Variants in CHD7 observed in about 807,000 individuals in gnomAD.
The protein encoded by CHD7 is ATP-dependent chromatin remodeler CHD7.
CHD7 carries 24 observed loss-of-function variants against 307.3 expected under a neutral mutation model. The observed-to-expected ratio is 0.08, with a 90% CI of 0.06 to 0.11. The LOEUF is 0.11. Among genes scored for constraint, CHD7 ranks in the 10% least tolerant of loss-of-function variants. The pLI is 1.00. For synonymous variants in CHD7, 1,363 were observed against 1,349.9 expected, an observed-to-expected ratio of 1.01 and a Z score of -0.21; for missense variants, 3,106 against 3,727.1, an observed-to-expected ratio of 0.83 and a Z score of 4.34.
intron 3 of CHD7, among the ~76,000 whole-genome samples, chr8:60,791,575 T>G (rs1202375738): frequency 6.6e-6 from 1 of 152,192 alleles, no homozygotes. Context: ...GTGTTTTGAG[T>G]TTGACATTAT....
chr8:60,680,043 C>A (rs1249221290), intron 1 of CHD7, among the ~76,000 whole-genome samples: 2 of 151,626 alleles, frequency 1.3e-5, no homozygotes, highest in African/African-American at 4.8e-5. Context: ...CTGGCCGGGC[C>A]GCCGGCGGCG....
chr8:60,782,900 A>G (rs1006906594), intron 3 of CHD7, among the ~76,000 whole-genome samples: 2 of 152,228 alleles, frequency 1.3e-5, no homozygotes, highest in South Asian at 2.1e-4. Flanking sequence ...TGCTTTTGGT[A>G]GGAGAAAGCA....
In CHD7 at chr8:60,741,080, A is replaced by C. The variant is rs1484750162; in HGVS notation, c.-174-179A>C. On this transcript the variant is annotated intron_variant, in intron 1 of 37. Coordinates refer to ENST00000423902, the MANE Select transcript of CHD7 (RefSeq NM_017780.4). The stretch of plus-strand genomic sequence containing the variant: ...CCGATCATAATGATGCTTCTGGTAG[A>C]AGCTAATGAGTTTCTCTTAAAGTGA... 2.0e-5 allele frequency among the ~76,000 whole-genome samples: 3 copies of C among 152,218 alleles called. No individual in the cohort carries two copies. The East Asian group carries it at 5.8e-4, about 29-fold the overall frequency.
chr8:60,710,288 G>A (rs1212852176), intron 1 of CHD7, among the ~76,000 whole-genome samples: 1 of 148,036 alleles, frequency 6.8e-6, no homozygotes. Context: ...AGCTGTATTC[G>A]GTTTGGCAAC....
chr8:60,772,444 TTTC>T (rs1405903331), intron 2 of CHD7, among the ~76,000 whole-genome samples: 12 of 152,234 alleles, frequency 7.9e-5, no homozygotes, highest in Admixed American at 7.8e-4. Context: ...AAATTCTGCA[TTTC>T]TTCTTTCCAG....
Position 60,845,695 on chromosome 8 carries a change from G to A in CHD7, c.5210+286G>A, listed in dbSNP as rs10957162. 0.78 allele frequency among the ~76,000 whole-genome samples: 118,898 copies of A among 152,220 alleles called. 46,661 individuals are homozygous for A. The highest frequency in any genetic ancestry group is 0.94 in the East Asian group (4,872 of 5,186). On this transcript the variant is annotated intron_variant, in intron 23 of 37. Coordinates refer to ENST00000423902, the MANE Select transcript of CHD7 (RefSeq NM_017780.4). ...ATGTGGTGTCAAGTTGCAGGAGAGC[G>A]TACCTTTAGGTGACTGATTATTTTT...
rs144175243 is a variant in CHD7, at chr8:60,850,359, T to C, written c.5405-134T>C. ...CATAGAATGATCTACTAAAACAAGG[T>C]CCACTTGGATTCAACAGAGATGCTA... On this transcript the variant is annotated intron_variant, in intron 25 of 37. Transcript: ENST00000423902. 1,093 of 1,094,552 alleles carry C rather than the reference T, an allele frequency of 1.0e-3. 23 individuals are homozygous for C. In the Admixed American group the frequency reaches 0.023, roughly 23 times the overall value. The allele number at this position is 1,094,552 out of a possible 1,614,324, so 67.8% of individuals were successfully genotyped here.
In CHD7 at chr8:60,800,313, T is replaced by C. The variant is rs1247135577; in HGVS notation, c.2239-75T>C. 6 of 1,493,142 alleles carry C rather than the reference T, an allele frequency of 4.0e-6. No individual in the cohort carries two copies. In the African/African-American group the frequency reaches 8.4e-5, roughly 21 times the overall value. The allele number at this position is 1,493,142 out of a possible 1,614,324, so 92.5% of individuals were successfully genotyped here. ...TCCCAAAGTGCTGGGATTACAGGCG[T>C]GAGCCACTGCGCTCGGCCACATTTT... On this transcript the variant is annotated intron_variant, in intron 4 of 37. Transcript: ENST00000423902.
rs895506618 is a variant in CHD7, at chr8:60,781,441, G to A, written c.2096+11G>A. 16 of 1,511,358 alleles carry A rather than the reference G, an allele frequency of 1.1e-5. No individual in the cohort carries two copies. Among genetic ancestry groups the A allele is most frequent in the African/African-American group, 2.8e-5 (2 of 70,308 alleles). The allele number at this position is 1,511,358 out of a possible 1,614,324, so 93.6% of individuals were successfully genotyped here. The stretch of plus-strand genomic sequence containing the variant: ...CAGCAAAAAGTCAAGGTAGGCTGTG[G>A]GCAGAAAAAACAACTGCAAAACATT... On this transcript the variant is annotated intron_variant, in intron 3 of 37. Transcript: ENST00000423902.
intron 1 of CHD7, among the ~76,000 whole-genome samples, chr8:60,717,730 A>G (rs1010825934): frequency 1.1e-4 from 7 of 66,352 alleles, no homozygotes; most frequent in Non-Finnish European, 2.3e-4. Context: ...GAAAAATTCC[A>G]TTGTCCACTG....
chr8:60,820,095 CAGG>C lies in CHD7; in HGVS notation c.2697+8_2697+10del, dbSNP rs368731918. 6.3e-7 allele frequency: 1 copy of C among 1,588,726 alleles called. No individual in the cohort carries two copies. Among genetic ancestry groups the C allele is most frequent in the Non-Finnish European group, 8.6e-7 (1 of 1,160,984 alleles). On this transcript the variant is annotated splice_donor_region_variant and intron_variant, in intron 9 of 37. Coordinates refer to ENST00000423902, the MANE Select transcript of CHD7 (RefSeq NM_017780.4). ...AGCACAGATGACCGGGGAGAGGTAA[CAGG>C]AGATCATTTGTATTACAAAGTGGTG...
chr8:60,779,604 T>G (rs1386883857), intron 2 of CHD7, among the ~76,000 whole-genome samples: 1 of 152,204 alleles, frequency 6.6e-6, no homozygotes, highest in East Asian at 1.9e-4. Context: ...CAGTCAATAT[T>G]AGGTGTATTG....
intron 1 of CHD7, among the ~76,000 whole-genome samples, chr8:60,699,221 A>G (rs1349443863): frequency 6.6e-6 from 1 of 152,238 alleles, no homozygotes; most frequent in Non-Finnish European, 1.5e-5. Context: ...AGAGTTTTCT[A>G]GATTTTCCCA....
intron 22 of CHD7, 65 bp from the exon 23 acceptor site, chr8:60,845,185 C>T (rs1215808623): frequency 7.2e-5 from 113 of 1,575,086 alleles, no homozygotes; most frequent in South Asian, 1.2e-4. Flanking sequence ...GCATTAAGCT[C>T]TCTGCCATTG....
intron 2 of CHD7, among the ~76,000 whole-genome samples, chr8:60,745,215 A>G (rs903302909): frequency 2.6e-5 from 4 of 152,144 alleles, no homozygotes; most frequent in Non-Finnish European, 5.9e-5. Context: ...ATTCCCTGGA[A>G]AGTTTCTTAC....
rs1200433153 is a variant in CHD7 at position 60,820,097 on chromosome 8, G to T, written c.2697+7G>T. On this transcript the variant is annotated splice_region_variant and intron_variant, in intron 9 of 37. Coordinates refer to ENST00000423902, the MANE Select transcript of CHD7 (RefSeq NM_017780.4). ...CACAGATGACCGGGGAGAGGTAACA[G>T]GAGATCATTTGTATTACAAAGTGGT... 6.3e-7 allele frequency: 1 copy of T among 1,587,504 alleles called. No homozygotes were observed. Among genetic ancestry groups the T allele is most frequent in the Non-Finnish European group, 8.6e-7 (1 of 1,159,746 alleles).
chr8:60,816,368 T>TA lies in CHD7; in HGVS notation c.2499-18dup. The TA allele has an allele frequency of 7.9e-7, 1 of 1,258,670 alleles. No homozygotes were observed. The allele number at this position is 1,258,670 out of a possible 1,614,324, so 78.0% of individuals were successfully genotyped here. On this transcript the variant is annotated intron_variant, in intron 7 of 37. Coordinates refer to ENST00000423902, the MANE Select transcript of CHD7 (RefSeq NM_017780.4). ...AATTATATTCTACATATTTCAAGGATATTGTTTTGTTCTTTCAGCTCTTAT... is the reference window on the plus strand; with the variant it reads ...AATTATATTCTACATATTTCAAGGATAATTGTTTTGTTCTTTCAGCTCTTAT...
Position 60,815,346 on chromosome 8 carries a change from A to G in CHD7, c.2499-1041A>G, listed in dbSNP as rs145167622. Among the ~76,000 whole-genome samples the G allele has an allele frequency of 7.9e-5, 12 of 152,280 alleles. No homozygotes were observed. In the East Asian group the frequency reaches 2.3e-3, roughly 29 times the overall value. ...TTCTGTGAACTAAAGCACAATTTCTAAGAGTACTAGTATGTTGATTCTGAA... is the reference window on the plus strand; with the variant it reads ...TTCTGTGAACTAAAGCACAATTTCTGAGAGTACTAGTATGTTGATTCTGAA... On this transcript the variant is annotated intron_variant, in intron 7 of 37. Transcript: ENST00000423902.
chr8:60,719,379 G>A (rs192938234), intron 1 of CHD7, among the ~76,000 whole-genome samples: 20 of 152,336 alleles, frequency 1.3e-4, no homozygotes, highest in Admixed American at 1.3e-3. Flanking sequence ...GTTAGATTTA[G>A]ATAGATAGAT....
Sources: gnomAD v4.1 joint callset for allele counts (sites outside exome capture counted in the v4.1 genomes callset) on GRCh38, gnomAD v4.1.1 for gene constraint, MANE v1.5 for transcripts, NCBI Gene and HGNC (gene_info 2026-07-23, HGNC 2026-07-21) for gene names.